Variants in DCAF8L2 observed in about 807,000 individuals in gnomAD.
DCAF8L2 encodes DDB1- and CUL4-associated factor 8-like protein 2.
For missense variants in DCAF8L2, 430 were observed against 490.7 expected, an observed-to-expected ratio of 0.88 and a Z score of 1.17; for synonymous variants, 200 against 190.9, an observed-to-expected ratio of 1.05 and a Z score of -0.39.
intron 2 of DCAF8L2, among the ~76,000 whole-genome samples, chrX:27,660,240 T>A (rs1929508301): frequency 9.0e-6 from 1 of 111,413 alleles, no homozygotes; most frequent in African/African-American, 3.3e-5. Context: ...GCCAGACTGG[T>A]CATGAACTCC....
rs188922589 is a variant in DCAF8L2, at chrX:27,629,494, T to C, written c.-341-2385T>C. Among the ~76,000 whole-genome samples, 152 of 108,166 alleles carry C rather than the reference T, an allele frequency of 1.4e-3. 2 individuals are homozygous for C. The East Asian group carries it at 0.04, about 29-fold the overall frequency. 93.9% of individuals were successfully genotyped at this position (108,166 alleles called of 115,157 possible). ...TTCTTTCTTTCTCCCTTCCTTCCTT[T>C]TCTCTCTCTCTCTCTTTCTTTTCTT... On this transcript the variant is annotated intron_variant, in intron 1 of 4. Transcript: ENST00000451261.
At chrX:27,583,307 T>C in the DCAF8L2 span, among the ~76,000 whole-genome samples, 1 of 111,984 alleles carries the variant, frequency 8.9e-6, no homozygotes, top group Non-Finnish European at 1.9e-5. Flanking sequence ...GTTCATTTTG[T>C]TACTTCATAA....
chrX:27,677,421 G>T (rs1462977242), intron 2 of DCAF8L2, among the ~76,000 whole-genome samples: 2 of 112,020 alleles, frequency 1.8e-5, no homozygotes, highest in Non-Finnish European at 3.8e-5. Context: ...GAAATGTATT[G>T]AGAGCCTGTG....
At chrX:27,533,467 A>C in the DCAF8L2 span, among the ~76,000 whole-genome samples, 3 of 111,454 alleles carry the variant, frequency 2.7e-5, no homozygotes, top group African/African-American at 9.8e-5. Flanking sequence ...GGGGAAATGT[A>C]TTTACATAGT....
intron 3 of DCAF8L2, among the ~76,000 whole-genome samples, chrX:27,694,845 T>C (rs749589850): frequency 3.6e-5 from 4 of 111,999 alleles, no homozygotes; most frequent in Non-Finnish European, 7.5e-5. Context: ...CATGCCAGTC[T>C]TGTCTCTCAT....
chrX:27,687,623 G>T (rs768270902), intron 3 of DCAF8L2, among the ~76,000 whole-genome samples: 1 of 111,895 alleles, frequency 8.9e-6, no homozygotes, highest in South Asian at 3.7e-4. Flanking sequence ...GGAGGCTAAG[G>T]TGGGAGGATC....
At chrX:27,555,145 G>A in the DCAF8L2 span, among the ~76,000 whole-genome samples, 1 of 111,785 alleles carries the variant, frequency 8.9e-6, no homozygotes, top group Non-Finnish European at 1.9e-5. Flanking sequence ...CTGAGATGCT[G>A]TAACTGGGCA....
At chrX:27,510,559 C>CTATA in the DCAF8L2 span, among the ~76,000 whole-genome samples, 6 of 104,496 alleles carry the variant, frequency 5.7e-5, no homozygotes, top group East Asian at 3.0e-4. Flanking sequence ...AGCTGTATTA[C>CTATA]TATATATATA....
At chrX:27,500,297 G>A in the DCAF8L2 span, among the ~76,000 whole-genome samples, 1 of 111,566 alleles carries the variant, frequency 9.0e-6, no homozygotes, top group South Asian at 3.7e-4. Context: ...ATCAAGGGAA[G>A]CATCAATATT....
the DCAF8L2 span, among the ~76,000 whole-genome samples, chrX:27,515,138 CATAA>C: frequency 9.0e-6 from 1 of 111,570 alleles, no homozygotes; most frequent in South Asian, 3.7e-4. Context: ...TACTGTACAC[CATAA>C]ATATTTACAA....
Position 27,737,712 on chromosome X carries a change from C to CT in DCAF8L2, c.-58-9111dup, listed in dbSNP as rs57138539. ...GAAATTGTTCTAGAATATAGAGAATCTTTTTTTTTTTTTTTGCCCTCTTTT... is the reference window on the plus strand; with the variant it reads ...GAAATTGTTCTAGAATATAGAGAATCTTTTTTTTTTTTTTTTGCCCTCTTTT... On this transcript the variant is annotated intron_variant, in intron 4 of 4. Transcript: ENST00000451261. 8.0e-3 allele frequency among the ~76,000 whole-genome samples: 756 copies of CT among 94,916 alleles called. 5 individuals carry two copies. The highest frequency in any genetic ancestry group is 0.022 in the African/African-American group (562 of 26,050). 82.4% of individuals were successfully genotyped at this position (94,916 alleles called of 115,157 possible). A position where few individuals can be genotyped will look rare whatever the true frequency, so the allele number is the denominator to read the frequency against.
the DCAF8L2 span, among the ~76,000 whole-genome samples, chrX:27,526,359 A>G: frequency 1.8e-5 from 2 of 112,052 alleles, no homozygotes; most frequent in African/African-American, 6.5e-5. Context: ...TTCTCGTGCC[A>G]TGGTTTTTAG....
the DCAF8L2 span, among the ~76,000 whole-genome samples, chrX:27,541,781 C>T: frequency 9.0e-6 from 1 of 111,084 alleles, no homozygotes; most frequent in Non-Finnish European, 1.9e-5. Flanking sequence ...TACAAAGGGT[C>T]CCGTTACCCA....
At chrX:27,509,023 A>T in the DCAF8L2 span, among the ~76,000 whole-genome samples, 1 of 111,276 alleles carries the variant, frequency 9.0e-6, no homozygotes, top group Non-Finnish European at 1.9e-5. Flanking sequence ...TTTTGAAGAT[A>T]GATAGAGAAT....
intron 3 of DCAF8L2, among the ~76,000 whole-genome samples, chrX:27,684,126 A>G (rs997067118): frequency 4.2e-4 from 47 of 112,215 alleles, no homozygotes; most frequent in African/African-American, 1.5e-3. Flanking sequence ...CAAGTGAAGT[A>G]GTGAGAGGTA....
the DCAF8L2 span, among the ~76,000 whole-genome samples, chrX:27,509,340 C>G: frequency 9.0e-6 from 1 of 111,599 alleles, no homozygotes; most frequent in Non-Finnish European, 1.9e-5. Flanking sequence ...CAGCACCTGA[C>G]TTTGTATCCA....
At chrX:27,477,477 C>T in the DCAF8L2 span, among the ~76,000 whole-genome samples, 1 of 110,812 alleles carries the variant, frequency 9.0e-6, no homozygotes, top group South Asian at 3.8e-4. Flanking sequence ...TTAGTAGAGA[C>T]GGGGTTTCAT....
At chrX:27,494,693 T>C in the DCAF8L2 span, among the ~76,000 whole-genome samples, 2 of 112,036 alleles carry the variant, frequency 1.8e-5, no homozygotes, top group Non-Finnish European at 3.8e-5. Flanking sequence ...CTTAAAAATA[T>C]ATGCTATTGG....
intron 3 of DCAF8L2, among the ~76,000 whole-genome samples, chrX:27,694,212 G>A (rs898276697): frequency 9.0e-6 from 1 of 110,854 alleles, no homozygotes; most frequent in Non-Finnish European, 1.9e-5. Flanking sequence ...ACCACTAGAT[G>A]GGGGAAGGCA....
Sources: gnomAD v4.1 joint callset for allele counts (sites outside exome capture counted in the v4.1 genomes callset) on GRCh38, gnomAD v4.1.1 for gene constraint, MANE v1.5 for transcripts, NCBI Gene and HGNC (gene_info 2026-07-23, HGNC 2026-07-21) for gene names.